The following MID1 variants were observed in gnomAD, a reference collection of about 807,000 sequenced individuals.
MID1 encodes the protein midline 1, also known as E3 ubiquitin-protein ligase Midline-1.
MID1 carries 7 observed loss-of-function variants against 40.4 expected under a neutral mutation model. The ratio of observed to expected loss-of-function variants is 0.17; its 90% CI spans 0.10 to 0.33. The LOEUF (loss-of-function observed/expected upper bound fraction) is 0.33, where lower values mean the gene tolerates loss of function less well. MID1 is among the 10% of genes least tolerant of loss of function. The pLI is 1.00. For synonymous variants in MID1, 229 were observed against 221.2 expected, an observed-to-expected ratio of 1.04 and a Z score of -0.31; for missense variants, 367 against 558.5, an observed-to-expected ratio of 0.66 and a Z score of 3.46.
At chrX:10,622,484 C>T (rs975215178), upstream of MID1, among the ~76,000 whole-genome samples, 8 of 111,886 alleles carry the variant, frequency 7.2e-5, no homozygotes, top group Non-Finnish European at 1.5e-4. Flanking sequence ...ACCACTCATT[C>T]GTGATTTCCC....
chrX:10,449,742 A>G (rs1928211131), intron 9 of MID1, 26 bp from the exon 10 acceptor site: 1 of 1,080,797 alleles, frequency 9.3e-7, no homozygotes. Context: ...AGCAACAACA[A>G]AAACAATGAG....
intron 4 of MID1, among the ~76,000 whole-genome samples, chrX:10,492,891 G>A (rs781246728): frequency 8.0e-5 from 9 of 111,900 alleles, no homozygotes; most frequent in Non-Finnish European, 1.5e-4. Context: ...CGAGTGCACC[G>A]AAGCATAAAC....
intron 1 of MID1, among the ~76,000 whole-genome samples, chrX:10,618,568 T>A (rs1176993810): frequency 8.9e-6 from 1 of 112,237 alleles, no homozygotes; most frequent in African/African-American, 3.2e-5. Context: ...AGCTGTGAGA[T>A]GAAAAGTTGC....
At chrX:10,522,125 C>A (rs781771729) in intron 3 of MID1, among the ~76,000 whole-genome samples, 1 of 112,466 alleles carries the variant, frequency 8.9e-6, no homozygotes, top group East Asian at 2.8e-4. Flanking sequence ...GTGTGAGCCA[C>A]CATGCCTGGC....
At chrX:10,502,446 T>C (rs1188043520) in intron 3 of MID1, among the ~76,000 whole-genome samples, 1 of 111,589 alleles carries the variant, frequency 9.0e-6, no homozygotes, top group Non-Finnish European at 1.9e-5. Flanking sequence ...AGACAGGATA[T>C]TCTATTTCTG....
chrX:10,641,910 A>T lies in MID1; in HGVS notation c.-186-21491T>A, dbSNP rs1936201858. Among the ~76,000 whole-genome samples the T allele has an allele frequency of 2.7e-5, 3 of 112,086 alleles. No homozygotes were observed. In the South Asian group the frequency reaches 1.1e-3, roughly 42 times the overall value. ...CCATCATATAAACAGAACCAAAGAC[A>T]AAAACCACATGATTATCTCAATAGA... On this transcript the variant is annotated intron_variant, in intron 1 of 10. Coordinates refer to the MID1 transcript ENST00000380785.
At chrX:10,695,982 A>G (rs2043161245) in intron 1 of MID1, among the ~76,000 whole-genome samples, 1 of 111,819 alleles carries the variant, frequency 8.9e-6, no homozygotes, top group African/African-American at 3.3e-5. Flanking sequence ...ACACACAATG[A>G]GGAATGTCAG....
At chrX:10,630,463 T>C (rs1936040188) in intron 1 of MID1, among the ~76,000 whole-genome samples, 1 of 108,731 alleles carries the variant, frequency 9.2e-6, no homozygotes, top group Non-Finnish European at 1.9e-5. Context: ...CTATGTAGGT[T>C]GGAGCAGAGG....
chrX:10,716,041 C>A (rs1479297319), intron 1 of MID1, among the ~76,000 whole-genome samples: 3 of 111,686 alleles, frequency 2.7e-5, no homozygotes, highest in African/African-American at 6.5e-5. Flanking sequence ...AAAACCCCAT[C>A]TGTACGTCAC....
At chrX:10,587,312 T>A (rs375395486) in intron 1 of MID1, among the ~76,000 whole-genome samples, 1 of 112,924 alleles carries the variant, frequency 8.9e-6, no homozygotes, top group East Asian at 2.8e-4. Flanking sequence ...GCTGACTGAT[T>A]GATAAGCTCT....
At chrX:10,751,705 C>A (rs1421728259) in intron 1 of MID1, among the ~76,000 whole-genome samples, 2 of 111,903 alleles carry the variant, frequency 1.8e-5, no homozygotes, top group Non-Finnish European at 3.8e-5. Flanking sequence ...AAATTTCAAG[C>A]CCCATTTTTG....
chrX:10,505,922 T>A, intron 3 of MID1: 1 of 754,864 alleles, frequency 1.3e-6, no homozygotes, highest in Non-Finnish European at 1.6e-6. Context: ...CATCTGCTTC[T>A]GCAAAGTTCT....
At chrX:10,481,261 A>G (rs1315468891) in intron 5 of MID1, among the ~76,000 whole-genome samples, 1 of 111,759 alleles carries the variant, frequency 8.9e-6, no homozygotes, top group Non-Finnish European at 1.9e-5. Context: ...GATGAAGATC[A>G]GCATGCATGA....
chrX:10,643,235 G>C (rs1419960058), intron 1 of MID1, among the ~76,000 whole-genome samples: 5 of 111,151 alleles, frequency 4.5e-5, no homozygotes, highest in African/African-American at 1.7e-4. Context: ...GCAACCTACA[G>C]AATGGGAGAA....
chrX:10,814,709 C>T (rs1476847285), intron 1 of MID1, among the ~76,000 whole-genome samples: 1 of 110,885 alleles, frequency 9.0e-6, no homozygotes, highest in East Asian at 2.8e-4. Context: ...CCTCCTGCCC[C>T]CCTATCCTTA....
intron 1 of MID1, among the ~76,000 whole-genome samples, chrX:10,684,403 C>T (rs1602515549): frequency 1.1e-5 from 1 of 95,237 alleles, no homozygotes. Context: ...CTTTCTCTTT[C>T]TTTTCTTTTT....
At chrX:10,783,831 T>A (rs768604601) in intron 1 of MID1, among the ~76,000 whole-genome samples, 17 of 110,342 alleles carry the variant, frequency 1.5e-4, no homozygotes, top group Admixed American at 2.9e-4. Context: ...TCTACCTCCA[T>A]CAAAATTGTT....
chrX:10,600,147 T>C (rs766147010), intron 1 of MID1, among the ~76,000 whole-genome samples: 2 of 111,354 alleles, frequency 1.8e-5, no homozygotes, highest in Admixed American at 9.6e-5. Context: ...TTCATTTATT[T>C]ATGCATTGAA....
At chrX:10,782,174 T>C (rs892410961) in intron 1 of MID1, among the ~76,000 whole-genome samples, 2 of 111,435 alleles carry the variant, frequency 1.8e-5, no homozygotes, top group Non-Finnish European at 3.8e-5. Context: ...ACCCTGTCAA[T>C]TGCTCAGGAT....
Sources: gnomAD v4.1 joint callset for allele counts (sites outside exome capture counted in the v4.1 genomes callset) on GRCh38, gnomAD v4.1.1 for gene constraint, MANE v1.5 for transcripts, NCBI Gene and HGNC (gene_info 2026-07-23, HGNC 2026-07-21) for gene names.